DHRS9: variants seen among roughly 807,000 people sequenced by gnomAD.
DHRS9 encodes the protein dehydrogenase/reductase 9, also known as dehydrogenase/reductase SDR family member 9.
In DHRS9, 18 loss-of-function variants were observed where a neutral mutation model predicts 26.6. That is an observed-to-expected ratio of 0.68 (90% CI 0.47 to 1.00). The LOEUF (loss-of-function observed/expected upper bound fraction) is 1.00. DHRS9 is among the 50% of genes least tolerant of loss of function. DHRS9 has a pLI of 0.00. For synonymous variants in DHRS9, 134 were observed against 141.1 expected (o/e 0.95, Z 0.36); for missense variants, 425 against 378.7 (o/e 1.12, Z -1.01).
chr2:169,086,091 T>C (rs1174405927), intron 3 of DHRS9, among the ~76,000 whole-genome samples: 5 of 152,114 alleles, frequency 3.3e-5, no homozygotes, highest in African/African-American at 9.7e-5. Flanking sequence ...TCTCTCTCTC[T>C]CTCCCTCCTC....
chr2:169,070,293 A>C, intron 1 of DHRS9: 1 of 985,460 alleles, frequency 1.0e-6, no homozygotes, highest in Non-Finnish European at 1.2e-6. Flanking sequence ...CAGGGGTGGC[A>C]GCAATAAGCC....
At chr2:169,070,635 C>T in intron 1 of DHRS9, 1 of 984,370 alleles carries the variant, frequency 1.0e-6, no homozygotes. Flanking sequence ...AAAGAGGGTG[C>T]TCAGATTTTA....
chr2:169,088,678 A>G (rs1301435983), intron 3 of DHRS9, among the ~76,000 whole-genome samples: 3 of 152,210 alleles, frequency 2.0e-5, no homozygotes, highest in Admixed American at 6.5e-5. Context: ...AAGGTCACCC[A>G]GCTGGTAAGT....
At chr2:169,086,970 C>T (rs1159864408) in intron 3 of DHRS9, among the ~76,000 whole-genome samples, 1 of 152,270 alleles carries the variant, frequency 6.6e-6, no homozygotes, top group East Asian at 1.9e-4. Context: ...TGTAATATTG[C>T]CTGGCTACTG....
At chr2:169,075,603 GA>G (rs199573318) in intron 1 of DHRS9, among the ~76,000 whole-genome samples, 8 of 150,532 alleles carry the variant, frequency 5.3e-5, no homozygotes, top group East Asian at 3.9e-4. Context: ...TCTGAAAAAA[GA>G]AAAAAAAATT....
chr2:169,071,068 A>G (rs965277877), intron 1 of DHRS9, among the ~76,000 whole-genome samples: 42 of 150,036 alleles, frequency 2.8e-4, no homozygotes, highest in Admixed American at 1.1e-3. Flanking sequence ...CGTCTCAAAA[A>G]AAAAAAACAA....
upstream of DHRS9, chr2:169,069,557 T>G (rs963953535): frequency 3.0e-6 from 3 of 985,204 alleles, no homozygotes; most frequent in African/African-American, 3.5e-5. Context: ...TCCTCACACA[T>G]GTAGTACTCA....
At chr2:169,075,527 T>C (rs1683937881) in intron 1 of DHRS9, among the ~76,000 whole-genome samples, 1 of 152,186 alleles carries the variant, frequency 6.6e-6, no homozygotes, top group South Asian at 2.1e-4. Flanking sequence ...TTAATATTAA[T>C]GCAATACTAT....
At chr2:169,089,877 A>G (rs1684465898) in intron 3 of DHRS9, among the ~76,000 whole-genome samples, 3 of 152,210 alleles carry the variant, frequency 2.0e-5, no homozygotes, top group Non-Finnish European at 4.4e-5. Context: ...CCCATGGTTC[A>G]GGGATCACAC....
At chr2:169,069,347 A>C, upstream of DHRS9, 1 of 889,948 alleles carries the variant, frequency 1.1e-6, no homozygotes, top group Non-Finnish European at 1.3e-6. Flanking sequence ...AATTTGGTCA[A>C]GAGATTGTAC....
chr2:169,073,559 G>T (rs1016582658), intron 1 of DHRS9, among the ~76,000 whole-genome samples: 1 of 152,168 alleles, frequency 6.6e-6, no homozygotes, highest in Non-Finnish European at 1.5e-5. Context: ...AGGAGCTGGG[G>T]GTCAACAGCA....
chr2:169,082,124 T>C (rs1684210793), intron 2 of DHRS9, among the ~76,000 whole-genome samples: 1 of 152,118 alleles, frequency 6.6e-6, no homozygotes, highest in African/African-American at 2.4e-5. Context: ...TCTCAGTGGG[T>C]GAATTCAGGG....
chr2:169,067,236 G>A, upstream of DHRS9: 1 of 1,535,550 alleles, frequency 6.5e-7, no homozygotes, highest in Non-Finnish European at 8.7e-7. Context: ...ATATACTCCA[G>A]AAGTTGGACC....
At chr2:169,068,284 G>T (rs1050901029), upstream of DHRS9, among the ~76,000 whole-genome samples, 1 of 152,288 alleles carries the variant, frequency 6.6e-6, no homozygotes, top group Admixed American at 6.5e-5. Context: ...CACATTTGGG[G>T]CACCCTAAAT....
chr2:169,090,035 T>G (rs1019143042), intron 3 of DHRS9, among the ~76,000 whole-genome samples: 2 of 152,254 alleles, frequency 1.3e-5, no homozygotes, highest in African/African-American at 4.8e-5. Context: ...CTGAAGGGTT[T>G]GTGAGCTTTG....
chr2:169,085,108 C>T (rs747759378), intron 3 of DHRS9, among the ~76,000 whole-genome samples: 1 of 152,142 alleles, frequency 6.6e-6, no homozygotes, highest in Non-Finnish European at 1.5e-5. Flanking sequence ...TTCCCCAATA[C>T]ATGTTCTTGA....
In DHRS9 at chr2:169,083,447, G is replaced by A. The variant is rs1367791395; in HGVS notation, c.432G>A (p.Val144=). 14 of 1,614,102 alleles carry A rather than the reference G, an allele frequency of 8.7e-6. No homozygotes were observed. The highest frequency in any genetic ancestry group is 1.0e-5 in the Non-Finnish European group (12 of 1,180,006). The change falls in exon 3 of 5, where the codon GTG becomes GTA. Residue 144 remains valine (V), a synonymous_variant. Transcript: ENST00000674881. ...TGAACCTGTTTGGACTCATCAGTGT[G>A]ACACTAAATATGCTTCCTTTGGTCA... ...IEVNLFGLIS[V]TLNMLPLVKK... is the part of the protein sequence containing the mutation.
chr2:169,075,354 T>C (rs568065304), intron 1 of DHRS9, among the ~76,000 whole-genome samples: 1 of 152,176 alleles, frequency 6.6e-6, no homozygotes, highest in Non-Finnish European at 1.5e-5. Flanking sequence ...GGTGCATGTG[T>C]GGTTTTAATG....
intron 3 of DHRS9, among the ~76,000 whole-genome samples, chr2:169,090,546 G>A (rs959248309): frequency 2.0e-5 from 3 of 152,044 alleles, no homozygotes; most frequent in Non-Finnish European, 2.9e-5. Flanking sequence ...CAATAATAAC[G>A]TTGCTAGAAA....
Sources: allele counts gnomAD v4.1 joint callset (sites outside exome capture counted in the v4.1 genomes callset), GRCh38; gene constraint gnomAD v4.1.1; transcripts MANE v1.5; gene names NCBI Gene and HGNC (gene_info 2026-07-23, HGNC 2026-07-21).